Variants in LSS observed in about 807,000 individuals in gnomAD.
The protein encoded by LSS is lanosterol synthase.
A neutral mutation model predicts 110.3 loss-of-function variants in LSS; 90 were observed. The ratio of observed to expected loss-of-function variants is 0.82; its 90% CI spans 0.69 to 0.97. The LOEUF (loss-of-function observed/expected upper bound fraction) is 0.97, where lower values mean the gene tolerates loss of function less well. LSS is among the 50% of genes least tolerant of loss of function. LSS has a pLI of 0.00. For synonymous variants in LSS, 433 were observed against 400.0 expected (o/e 1.08, Z -0.98); for missense variants, 927 against 990.0 (o/e 0.94, Z 0.85).
chr21:46,227,803 A>G, intron 2 of LSS, 113 bp from the exon 3 acceptor site: 1 of 1,258,908 alleles, frequency 7.9e-7, no homozygotes, highest in East Asian at 2.3e-5. Flanking sequence ...AATTACTTTA[A>G]AAGTTTCAGC....
intron 3 of LSS, among the ~76,000 whole-genome samples, chr21:46,225,937 T>C (rs2080334607): frequency 1.3e-5 from 2 of 152,124 alleles, no homozygotes; most frequent in Admixed American, 6.5e-5. Flanking sequence ...TGTCTTTTCT[T>C]TCATCTCTCT....
rs1240239431 is a variant in LSS at position 46,220,622 on chromosome 21, A to G, written c.551-1050T>C. On this transcript the variant is annotated intron_variant, in intron 5 of 21. Coordinates refer to ENST00000397728, the MANE Select transcript of LSS (RefSeq NM_002340.6). ...ACGGAAGGTCTGTGAAACACAGAGG[A>G]CAAGACCAGGCCAGGCTCTGCAGAG... The G allele has an allele frequency of 3.6e-5, 6 of 164,540 alleles. 1 individual carries two copies. The highest frequency in any genetic ancestry group is 1.3e-5 in the Non-Finnish European group (1 of 75,838). 10.2% of individuals were successfully genotyped at this position (164,540 alleles called of 1,614,324 possible).
chr21:46,210,835 G>C, intron 11 of LSS, 91 bp from the exon 12 acceptor site: 1 of 1,248,584 alleles, frequency 8.0e-7, no homozygotes. Context: ...CTGAGGGCCA[G>C]GTGTGGGGGC....
At chr21:46,215,611 G>A (rs2080194313) in intron 8 of LSS, 74 bp downstream of exon 8, 3 of 1,034,560 alleles carry the variant, frequency 2.9e-6, no homozygotes, top group Non-Finnish European at 4.2e-6. Context: ...GGCAGGGGAT[G>A]AGTGCGTGAA....
intron 3 of LSS, chr21:46,225,339 C>T (rs1458592006): frequency 6.7e-6 from 3 of 447,708 alleles, no homozygotes; most frequent in African/African-American, 2.1e-5. Flanking sequence ...CTTGGTCTAG[C>T]GGTAACGCCA....
intron 2 of LSS, 71 bp from the exon 3 acceptor site, chr21:46,227,761 C>A: frequency 6.5e-7 from 1 of 1,545,448 alleles, no homozygotes. Flanking sequence ...GAACCCTCTT[C>A]ACATACAGCC....
In LSS at chr21:46,188,706, A is replaced by C. The variant is rs1003246764; in HGVS notation, c.*2398T>G. On this transcript the variant is annotated 3_prime_UTR_variant, in exon 22 of 22. Transcript: ENST00000397728. ...TACACTCCCTCTAAACAATGGATTG[A>C]ACACAGATGTGATTTCTAAAGAAGA... 6.4e-6 allele frequency: 3 copies of C among 471,040 alleles called. No homozygotes were observed. The highest frequency in any genetic ancestry group is 6.0e-5 in the African/African-American group (3 of 50,074). The allele number at this position is 471,040 out of a possible 1,614,324, so 29.2% of individuals were successfully genotyped here. A position where few individuals can be genotyped will look rare whatever the true frequency, so the allele number is the denominator to read the frequency against.
chr21:46,209,114 G>C lies in LSS; in HGVS notation c.1266+440C>G, dbSNP rs1395924700. On this transcript the variant is annotated intron_variant, in intron 13 of 21. Coordinates refer to ENST00000397728, the MANE Select transcript of LSS (RefSeq NM_002340.6). This position sits in a 1 kb window ranked among gnomAD's most constrained non-coding sequence, Gnocchi z 4.4. Reference sequence around the variant, plus strand: ...ACTATGGGCTCGGGCAGGGTCTGTGGGCAGCTGATCTGGCAGGAGGGACCG... The same window carrying C: ...ACTATGGGCTCGGGCAGGGTCTGTGCGCAGCTGATCTGGCAGGAGGGACCG... 6.6e-6 allele frequency among the ~76,000 whole-genome samples: 1 copy of C among 152,140 alleles called. No individual in the cohort carries two copies. The highest frequency in any genetic ancestry group is 1.5e-5 in the Non-Finnish European group (1 of 68,020).
chr21:46,200,260 G>A (rs2079962626), intron 17 of LSS, among the ~76,000 whole-genome samples: 1 of 152,138 alleles, frequency 6.6e-6, no homozygotes, highest in Non-Finnish European at 1.5e-5. Flanking sequence ...CATATGGAAG[G>A]AATGATAATT....
intron 9 of LSS, 104 bp from the exon 10 acceptor site, chr21:46,213,939 G>A (rs374943234): frequency 2.0e-5 from 16 of 790,908 alleles, no homozygotes; most frequent in South Asian, 1.0e-4. Context: ...ATAAAGTGCC[G>A]TGCAGATCAC....
chr21:46,209,719 C>A lies in LSS; in HGVS notation c.1195-94G>T. Reference sequence around the variant, plus strand: ...CGATGGTCCTGGCCACATCCTGCCCCAACCGGGGACCAGAATCAAACCAGC... The same window carrying A: ...CGATGGTCCTGGCCACATCCTGCCCAAACCGGGGACCAGAATCAAACCAGC... On this transcript the variant is annotated intron_variant, in intron 12 of 21. Transcript: ENST00000397728. The surrounding 1 kb of genome is among the most constrained non-coding windows in gnomAD (Gnocchi z 4.4). 1.9e-6 allele frequency: 2 copies of A among 1,041,060 alleles called. No homozygotes were observed. The highest frequency in any genetic ancestry group is 2.9e-6 in the Non-Finnish European group (2 of 692,118). The allele number at this position is 1,041,060 out of a possible 1,614,324, so 64.5% of individuals were successfully genotyped here.
At chr21:46,215,825 T>A in intron 7 of LSS, 32 bp from the exon 8 acceptor site, 1 of 1,438,276 alleles carries the variant, frequency 7.0e-7, no homozygotes, top group Non-Finnish European at 9.7e-7. Context: ...CCTTGGGGCC[T>A]GGGAGCACCT....
chr21:46,206,851 G>A, intron 15 of LSS, 83 bp from the exon 16 acceptor site: 13 of 989,168 alleles, frequency 1.3e-5, no homozygotes, highest in Non-Finnish European at 1.9e-5. Flanking sequence ...CTCTCTAGAG[G>A]CAACACTAGG....
rs988530824 is a variant in LSS at position 46,189,872 on chromosome 21, T to C, written c.*1232A>G. Reference sequence around the variant, plus strand: ...TGACAGTCTCAGGTGGCCCTGAGCATGTGAGCTGCTCATCCACATCAGGCA... The same window carrying C: ...TGACAGTCTCAGGTGGCCCTGAGCACGTGAGCTGCTCATCCACATCAGGCA... On this transcript the variant is annotated 3_prime_UTR_variant, in exon 22 of 22. Transcript: ENST00000397728. The C allele has an allele frequency of 2.7e-6, 1 of 370,412 alleles. No individual in the cohort carries two copies. The highest frequency in any genetic ancestry group is 5.3e-6 in the Non-Finnish European group (1 of 189,982). The allele number at this position is 370,412 out of a possible 1,614,324, so 22.9% of individuals were successfully genotyped here. A position where few individuals can be genotyped will look rare whatever the true frequency, so the allele number is the denominator to read the frequency against.
rs1601425832 is a variant in LSS at position 46,205,871 on chromosome 21, G to A, written c.1635C>T (p.His545=). Residue 545 remains histidine, a synonymous_variant, in exon 17 of 22, where the codon CAC becomes CAT. Coordinates refer to ENST00000397728, the MANE Select transcript of LSS (RefSeq NM_002340.6). ...CTGCCCTGTGCTCCGGGAAACGCTT[G>A]TGGAAATACTTAAGCGCCTGCATCA... ...SAVMQALKYF[H]KRFPEHRAAE... The A allele has an allele frequency of 6.2e-7, 1 of 1,610,626 alleles. No individual in the cohort carries two copies. Among genetic ancestry groups the A allele is most frequent in the Non-Finnish European group, 8.5e-7 (1 of 1,178,634 alleles).
In LSS at chr21:46,228,614, C is replaced by G. The variant is rs748183371; in HGVS notation, c.15-15G>C. The G allele has an allele frequency of 6.3e-7, 1 of 1,591,766 alleles. No individual in the cohort carries two copies. The highest frequency in any genetic ancestry group is 1.1e-5 in the South Asian group (1 of 89,988). Reference sequence around the variant, plus strand: ...GCCGCAGACACCTGAGGACCACCGGCCATCAGCGACCCAGGCCCCGCCCCA... The same window carrying G: ...GCCGCAGACACCTGAGGACCACCGGGCATCAGCGACCCAGGCCCCGCCCCA... On this transcript the variant is annotated splice_polypyrimidine_tract_variant and intron_variant, in intron 1 of 21. Coordinates refer to ENST00000397728, the MANE Select transcript of LSS (RefSeq NM_002340.6).
At chr21:46,228,282 G>A in intron 2 of LSS, 152 bp downstream of exon 2, 1 of 768,556 alleles carries the variant, frequency 1.3e-6, no homozygotes, top group African/African-American at 1.8e-5. Flanking sequence ...CTGAAGCGGA[G>A]GGGCCCGCGA....
chr21:46,202,201 T>C (rs934673605), intron 17 of LSS, among the ~76,000 whole-genome samples: 38 of 141,120 alleles, frequency 2.7e-4, no homozygotes, highest in African/African-American at 6.9e-4. Flanking sequence ...GAGACCATCC[T>C]GGCTAAAACG....
chr21:46,209,028 G>A lies in LSS; in HGVS notation c.1266+526C>T, dbSNP rs78434418. ...GGAGACACGGGAGGTTGGGGCGCAT[G>A]TATGGGATGACTGTGGCTGCAGACT... On this transcript the variant is annotated intron_variant, in intron 13 of 21. Coordinates refer to ENST00000397728, the MANE Select transcript of LSS (RefSeq NM_002340.6). This position sits in a 1 kb window ranked among gnomAD's most constrained non-coding sequence, Gnocchi z 4.4. Among the ~76,000 whole-genome samples the A allele has an allele frequency of 0.021, 3,202 of 152,292 alleles. 107 individuals are homozygous for A. The highest frequency in any genetic ancestry group is 0.073 in the African/African-American group (3,034 of 41,546).
Sources: gnomAD v4.1 joint callset for allele counts (sites outside exome capture counted in the v4.1 genomes callset) on GRCh38, gnomAD v4.1.1 for gene constraint, Gnocchi (gnomAD v3.1) non-coding constraint, MANE v1.5 for transcripts, NCBI Gene and HGNC (gene_info 2026-07-23, HGNC 2026-07-21) for gene names.